Variants in ZSWIM5 observed in about 807,000 individuals in gnomAD.
ZSWIM5 encodes zinc finger SWIM domain-containing protein 5.
In ZSWIM5, 55 loss-of-function variants were observed where a neutral mutation model predicts 119.6. The observed-to-expected ratio is 0.46, with a 90% CI of 0.37 to 0.58. ZSWIM5 has a LOEUF of 0.58. Ranked by LOEUF, ZSWIM5 falls within the 20% of genes least tolerant of loss-of-function variation. ZSWIM5 has a pLI of 0.00. For missense variants in ZSWIM5, 1,193 were observed against 1,512.8 expected (o/e 0.79, Z 3.51); for synonymous variants, 537 against 606.9 (o/e 0.88, Z 1.69).
At chr1:45,135,303 A>G (rs184733495) in intron 1 of ZSWIM5, among the ~76,000 whole-genome samples, 67 of 152,250 alleles carry the variant, frequency 4.4e-4, no homozygotes, top group Non-Finnish European at 4.9e-4. Context: ...TTTAATGGGT[A>G]TGGAGTTTCT....
At chr1:45,084,102 G>C (rs1207737232) in intron 2 of ZSWIM5, among the ~76,000 whole-genome samples, 1 of 152,100 alleles carries the variant, frequency 6.6e-6, no homozygotes, top group African/African-American at 2.4e-5. Flanking sequence ...TGGAGACAGG[G>C]TTTTGCCATG....
chr1:45,126,072 ATAAT>A (rs1422003012), intron 1 of ZSWIM5, among the ~76,000 whole-genome samples: 1 of 151,964 alleles, frequency 6.6e-6, no homozygotes, highest in Non-Finnish European at 1.5e-5. Flanking sequence ...TGTCTCAAAA[ATAAT>A]TAATTAAATT....
intron 11 of ZSWIM5, among the ~76,000 whole-genome samples, chr1:45,022,069 G>A (rs1644891125): frequency 6.6e-6 from 1 of 151,478 alleles, no homozygotes; most frequent in Non-Finnish European, 1.5e-5. Context: ...CTATAAAATG[G>A]AAACAATTGT....
intron 1 of ZSWIM5, among the ~76,000 whole-genome samples, chr1:45,098,398 A>G (rs1645417409): frequency 6.6e-6 from 1 of 152,136 alleles, no homozygotes; most frequent in African/African-American, 2.4e-5. Context: ...GATCATAATA[A>G]TCTCTTGCCT....
chr1:45,039,428 C>T (rs1203224986), intron 7 of ZSWIM5, among the ~76,000 whole-genome samples: 1 of 152,202 alleles, frequency 6.6e-6, no homozygotes, highest in African/African-American at 2.4e-5. Flanking sequence ...CTCTATCGCC[C>T]AGGCCAGAGT....
intron 1 of ZSWIM5, among the ~76,000 whole-genome samples, chr1:45,101,143 C>T (rs1338610143): frequency 6.6e-6 from 1 of 150,598 alleles, no homozygotes; most frequent in Non-Finnish European, 1.5e-5. Flanking sequence ...GCAATCTACT[C>T]ATCTGACAAA....
intron 2 of ZSWIM5, among the ~76,000 whole-genome samples, chr1:45,071,233 G>A (rs1050285925): frequency 6.6e-6 from 1 of 151,768 alleles, no homozygotes; most frequent in African/African-American, 2.4e-5. Flanking sequence ...ACTATGTTTT[G>A]TACACATTAA....
At chr1:45,047,444 A>T (rs1335958919) in intron 5 of ZSWIM5, among the ~76,000 whole-genome samples, 3 of 152,020 alleles carry the variant, frequency 2.0e-5, no homozygotes, top group African/African-American at 7.2e-5. Flanking sequence ...ATTTTTCCTA[A>T]CTCTACCACC....
intron 1 of ZSWIM5, among the ~76,000 whole-genome samples, chr1:45,168,196 C>T (rs554492124): frequency 6.6e-6 from 1 of 152,056 alleles, no homozygotes; most frequent in South Asian, 2.1e-4. Context: ...AAGCTGGAAA[C>T]CATCATTCTG....
intron 1 of ZSWIM5, among the ~76,000 whole-genome samples, chr1:45,103,841 T>C (rs1645454347): frequency 6.6e-6 from 1 of 152,212 alleles, no homozygotes; most frequent in African/African-American, 2.4e-5. Context: ...TTTTTCTGAG[T>C]GCAAGAAAGG....
chr1:45,041,281 T>C (rs1645016608), intron 6 of ZSWIM5, among the ~76,000 whole-genome samples: 1 of 152,208 alleles, frequency 6.6e-6, no homozygotes, highest in African/African-American at 2.4e-5. Flanking sequence ...GAGTCTGGAA[T>C]GTAAACAGCT....
At chr1:45,065,329 G>A (rs956386656) in intron 2 of ZSWIM5, among the ~76,000 whole-genome samples, 2 of 152,178 alleles carry the variant, frequency 1.3e-5, no homozygotes, top group African/African-American at 2.4e-5. Flanking sequence ...GGTTAAGTTA[G>A]GATATGAAAA....
rs1553193811 is a variant in ZSWIM5, at chr1:45,093,849, T to TG, written c.596-5613_596-5612insC. On this transcript the variant is annotated intron_variant, in intron 1 of 13. Coordinates refer to ENST00000359600, the MANE Select transcript of ZSWIM5 (RefSeq NM_020883.2). The stretch of plus-strand genomic sequence containing the variant: ...TTAAGCAAACATGTAGAAGCTTGTT[T>TG]TTTTTTTTTTTTGAGACAGGGTCTT... Among the ~76,000 whole-genome samples the TG allele has an allele frequency of 1.7e-3, 252 of 149,780 alleles. 3 individuals are homozygous for TG. The highest frequency in any genetic ancestry group is 6.9e-3 in the Middle Eastern group (2 of 288).
chr1:45,187,929 TAATA>T (rs1053149437), intron 1 of ZSWIM5, among the ~76,000 whole-genome samples: 10 of 152,010 alleles, frequency 6.6e-5, no homozygotes, highest in African/African-American at 2.4e-4. Flanking sequence ...AGGATGGAAA[TAATA>T]AATAAGATAG....
chr1:45,081,267 C>CTCTCCCTCTCCCCATGG (rs1328152902), intron 2 of ZSWIM5, among the ~76,000 whole-genome samples: 10 of 148,866 alleles, frequency 6.7e-5, no homozygotes, highest in Non-Finnish European at 1.0e-4. Context: ...CTCCCTCTCC[C>CTCTCCCTCTCCCCATGG]TCTCCCTCTC....
At chr1:45,054,012 G>C (rs1457099966) in intron 4 of ZSWIM5, among the ~76,000 whole-genome samples, 1 of 152,148 alleles carries the variant, frequency 6.6e-6, no homozygotes, top group African/African-American at 2.4e-5. Flanking sequence ...GCTTGGTACA[G>C]TGTCTCATGC....
intron 11 of ZSWIM5, among the ~76,000 whole-genome samples, chr1:45,027,169 T>C (rs1644925962): frequency 6.6e-6 from 1 of 151,864 alleles, no homozygotes; most frequent in South Asian, 2.1e-4. Flanking sequence ...GAACCGGTCT[T>C]GCTTTTATTG....
chr1:45,034,536 G>C, intron 10 of ZSWIM5, 67 bp from the exon 11 acceptor site: 1 of 1,517,874 alleles, frequency 6.6e-7, no homozygotes. Flanking sequence ...CCTTAGAGAA[G>C]CTTGCTCTTT....
chr1:45,111,623 T>C (rs1309919500), intron 1 of ZSWIM5, among the ~76,000 whole-genome samples: 35 of 152,280 alleles, frequency 2.3e-4, no homozygotes, highest in Admixed American at 2.3e-3. Context: ...TTCCTTGCCT[T>C]TCCAGCTTCT....
Sources: allele counts gnomAD v4.1 joint callset (sites outside exome capture counted in the v4.1 genomes callset), GRCh38; gene constraint gnomAD v4.1.1; transcripts MANE v1.5; gene names NCBI Gene and HGNC (gene_info 2026-07-23, HGNC 2026-07-21).